PRKCA: variants seen among roughly 807,000 people sequenced by gnomAD.
The protein encoded by PRKCA is protein kinase C alpha, also known as protein kinase C alpha type.
Under a neutral mutation model 87.0 loss-of-function variants are expected in PRKCA, and 27 were observed. That is an observed-to-expected ratio of 0.31 (90% CI 0.23 to 0.43). The LOEUF (loss-of-function observed/expected upper bound fraction) is 0.43. Among genes scored for constraint, PRKCA ranks in the 20% least tolerant of loss-of-function variants. PRKCA has a pLI of 1.00. For missense variants in PRKCA, 518 were observed against 852.3 expected (o/e 0.61, Z 4.88); for synonymous variants, 329 against 311.1 (o/e 1.06, Z -0.61).
intron 5 of PRKCA, among the ~76,000 whole-genome samples, chr17:66,657,153 G>A (rs1178377080): frequency 6.6e-6 from 1 of 152,170 alleles, no homozygotes; most frequent in Non-Finnish European, 1.5e-5. Flanking sequence ...GGGGGCCATG[G>A]CCACCCACTG....
chr17:66,777,169 C>T, intron 14 of PRKCA: 3 of 980,668 alleles, frequency 3.1e-6, no homozygotes, highest in African/African-American at 1.7e-5. Flanking sequence ...CTCTCCTGCC[C>T]TGCCCATGTC....
intron 7 of PRKCA, 42 bp from the exon 8 acceptor site, chr17:66,688,909 T>C (rs2144037814): frequency 7.5e-7 from 1 of 1,328,358 alleles, no homozygotes; most frequent in Non-Finnish European, 1.1e-6. Context: ...GAAAGGCTTG[T>C]TAAACTTGCG....
rs147816965 is a variant in PRKCA, at chr17:66,734,666, C to T, written c.1057-823C>T. On this transcript the variant is annotated intron_variant, in intron 9 of 16. Transcript: ENST00000413366. ...CCTGCTGACCTCCTATCTCATCCTG[C>T]GACTAAGAATGCCTGACCTCCTGGG... 4.1e-4 allele frequency among the ~76,000 whole-genome samples: 62 copies of T among 152,260 alleles called. 1 individual carries two copies. In the East Asian group the frequency reaches 8.1e-3, roughly 20 times the overall value.
intron 2 of PRKCA, among the ~76,000 whole-genome samples, chr17:66,486,072 T>C: frequency 6.6e-6 from 1 of 152,150 alleles, no homozygotes; most frequent in East Asian, 1.9e-4. Flanking sequence ...TAAAGGAAAG[T>C]TGGACTCATC....
intron 3 of PRKCA, among the ~76,000 whole-genome samples, chr17:66,522,775 A>G (rs775432111): frequency 6.6e-6 from 1 of 151,154 alleles, no homozygotes; most frequent in Admixed American, 6.6e-5. Flanking sequence ...TGGGTCTGTC[A>G]TTGGCTGATG....
intron 16 of PRKCA, among the ~76,000 whole-genome samples, chr17:66,798,401 G>GTGGTGA (rs766843738): frequency 1.2e-5 from 1 of 83,616 alleles, no homozygotes; most frequent in Non-Finnish European, 2.1e-5. Context: ...GGTGGTGGTG[G>GTGGTGA]TGGTGATGGT....
At chr17:66,668,970 G>C (rs59582134) in intron 5 of PRKCA, among the ~76,000 whole-genome samples, 7,802 of 152,068 alleles carry the variant, frequency 0.051, 679 homozygotes, top group African/African-American at 0.18. Context: ...AGGCATGGTG[G>C]CACACACCTG....
At chr17:66,726,806 C>A (rs140634665) in intron 8 of PRKCA, among the ~76,000 whole-genome samples, 1 of 152,048 alleles carries the variant, frequency 6.6e-6, no homozygotes, top group Non-Finnish European at 1.5e-5. Flanking sequence ...CTCACTGCAA[C>A]CTTCGCCTCC....
chr17:66,704,788 A>G (rs570757031), intron 8 of PRKCA, among the ~76,000 whole-genome samples: 4 of 152,254 alleles, frequency 2.6e-5, no homozygotes, highest in South Asian at 2.1e-4. Context: ...CAATTAAACT[A>G]TAATTAAGGT....
intron 13 of PRKCA, among the ~76,000 whole-genome samples, chr17:66,773,495 C>CTTTTT (rs59316874): frequency 8.0e-6 from 1 of 124,636 alleles, no homozygotes; most frequent in African/African-American, 2.9e-5. Flanking sequence ...CTGGCTTTTC[C>CTTTTT]TTTTTTTTTT....
chr17:66,417,739 G>A (rs1435932469), intron 2 of PRKCA, among the ~76,000 whole-genome samples: 1 of 152,090 alleles, frequency 6.6e-6, no homozygotes, highest in African/African-American at 2.4e-5. Context: ...GTAGTGGAAG[G>A]TGAAACACAG....
chr17:66,396,039 T>G (rs1910644418), intron 2 of PRKCA, among the ~76,000 whole-genome samples: 1 of 138,988 alleles, frequency 7.2e-6, no homozygotes, highest in Non-Finnish European at 1.5e-5. Flanking sequence ...TAGCATTATT[T>G]CAATATGGGT....
chr17:66,646,807 T>C (rs867906184), intron 5 of PRKCA, among the ~76,000 whole-genome samples: 98 of 152,314 alleles, frequency 6.4e-4, no homozygotes, highest in African/African-American at 2.2e-3. Context: ...AAGGTATCAC[T>C]GGGAGAGGGT....
intron 3 of PRKCA, among the ~76,000 whole-genome samples, chr17:66,627,677 T>C (rs1970893576): frequency 6.6e-6 from 1 of 152,178 alleles, no homozygotes; most frequent in Non-Finnish European, 1.5e-5. Context: ...CAACTAAAAC[T>C]AAGTGCCAAA....
At chr17:66,721,698 G>A (rs1289774938) in intron 8 of PRKCA, among the ~76,000 whole-genome samples, 1 of 152,148 alleles carries the variant, frequency 6.6e-6, no homozygotes, top group East Asian at 1.9e-4. Context: ...AAGCCAGAGG[G>A]TCGCTTTCCT....
intron 3 of PRKCA, among the ~76,000 whole-genome samples, chr17:66,496,663 C>G (rs748387226): frequency 3.0e-5 from 4 of 133,422 alleles, no homozygotes; most frequent in Admixed American, 2.3e-4. Flanking sequence ...CCGTCCTCTT[C>G]GATGGAGTCT....
At chr17:66,434,837 G>A (rs1474631571) in intron 2 of PRKCA, among the ~76,000 whole-genome samples, 4 of 152,256 alleles carry the variant, frequency 2.6e-5, no homozygotes, top group African/African-American at 9.6e-5. Context: ...ACCTTGTGGG[G>A]TTATTATGAG....
Position 66,735,341 on chromosome 17 carries a change from A to G in PRKCA, c.1057-148A>G, listed in dbSNP as rs996127904. The stretch of plus-strand genomic sequence containing the variant: ...TTTGTAGTGATGTGTAGAATTTACA[A>G]ATTTGCACATAAAGTTTAATATTTT... On this transcript the variant is annotated intron_variant, in intron 9 of 16. Coordinates refer to ENST00000413366, the MANE Select transcript of PRKCA (RefSeq NM_002737.3). 27 of 819,256 alleles carry G rather than the reference A, an allele frequency of 3.3e-5. No individual in the cohort carries two copies. The African/African-American group carries it at 4.5e-4, about 14-fold the overall frequency. The allele number at this position is 819,256 out of a possible 1,614,324, so 50.7% of individuals were successfully genotyped here. A position where few individuals can be genotyped will look rare whatever the true frequency, so the allele number is the denominator to read the frequency against.
intron 13 of PRKCA, among the ~76,000 whole-genome samples, chr17:66,759,480 A>G (rs371266103): frequency 6.6e-6 from 1 of 152,046 alleles, no homozygotes; most frequent in African/African-American, 2.4e-5. Context: ...ATGGAATCAT[A>G]TGAAATGCTC....
Sources: gnomAD v4.1 joint callset for allele counts (sites outside exome capture counted in the v4.1 genomes callset) on GRCh38, gnomAD v4.1.1 for gene constraint, MANE v1.5 for transcripts, NCBI Gene and HGNC (gene_info 2026-07-23, HGNC 2026-07-21) for gene names.